LTBP1: variants seen among roughly 807,000 people sequenced by gnomAD.
LTBP1 encodes the protein latent transforming growth factor beta binding protein 1.
Under a neutral mutation model 207.6 loss-of-function variants are expected in LTBP1, and 129 were observed. The observed-to-expected ratio is 0.62, with a 90% CI of 0.54 to 0.72. The LOEUF (loss-of-function observed/expected upper bound fraction) is 0.72. LTBP1 is among the 30% of genes least tolerant of loss of function. The pLI, the probability that LTBP1 is intolerant of heterozygous loss-of-function variation, is 0.00. For synonymous variants in LTBP1, 963 were observed against 833.7 expected (o/e 1.16, Z -2.67); for missense variants, 2,281 against 2,217.2 (o/e 1.03, Z -0.58).
intron 2 of LTBP1, among the ~76,000 whole-genome samples, chr2:32,997,104 C>T (rs1406308403): frequency 1.3e-5 from 2 of 152,092 alleles, no homozygotes; most frequent in East Asian, 1.9e-4. Context: ...AGGCTGGTCT[C>T]GAATTCCTGA....
chr2:33,283,005 G>A (rs564854555), intron 19 of LTBP1, among the ~76,000 whole-genome samples: 90 of 146,586 alleles, frequency 6.1e-4, no homozygotes, highest in African/African-American at 1.7e-3. Context: ...GGAGGTTGCA[G>A]TGAGCCGAGA....
intron 19 of LTBP1, chr2:33,291,414 C>G (rs1470635666): frequency 6.6e-6 from 1 of 152,170 alleles, no homozygotes; most frequent in African/African-American, 2.4e-5. Context: ...TGAAACAAAA[C>G]CAGATACTAA....
intron 19 of LTBP1, among the ~76,000 whole-genome samples, chr2:33,290,387 G>A (rs2093751129): frequency 6.6e-6 from 1 of 152,160 alleles, no homozygotes. Flanking sequence ...TGGGGGCCAA[G>A]CCTTCTGCTA....
At chr2:33,017,936 GTCC>G (rs1366910253) in intron 2 of LTBP1, among the ~76,000 whole-genome samples, 2 of 152,128 alleles carry the variant, frequency 1.3e-5, no homozygotes, top group African/African-American at 4.8e-5. Context: ...TAGGGAATCT[GTCC>G]TCCTCCAGTT....
At chr2:33,256,236 A>G (rs186749422) in intron 11 of LTBP1, among the ~76,000 whole-genome samples, 3 of 152,088 alleles carry the variant, frequency 2.0e-5, no homozygotes, top group East Asian at 1.9e-4. Context: ...AAATAGCTGC[A>G]TCTTGATTTG....
chr2:33,296,859 C>T (rs928500866), intron 20 of LTBP1, among the ~76,000 whole-genome samples: 1 of 151,940 alleles, frequency 6.6e-6, no homozygotes, highest in African/African-American at 2.4e-5. Flanking sequence ...TAAAAGGGAG[C>T]AATAATGGTA....
intron 2 of LTBP1, among the ~76,000 whole-genome samples, chr2:32,970,808 T>G (rs1680739420): frequency 6.6e-6 from 1 of 152,120 alleles, no homozygotes; most frequent in African/African-American, 2.4e-5. Context: ...ATGTCATTGT[T>G]AGTTGATAAT....
intron 13 of LTBP1, among the ~76,000 whole-genome samples, chr2:33,262,338 G>A (rs1381778443): frequency 1.3e-5 from 2 of 152,174 alleles, no homozygotes; most frequent in African/African-American, 2.4e-5. Flanking sequence ...TCTTAGTGGG[G>A]CAGAGCCACA....
At chr2:33,234,658 T>G (rs1226972300) in intron 9 of LTBP1, among the ~76,000 whole-genome samples, 1 of 152,192 alleles carries the variant, frequency 6.6e-6, no homozygotes, top group African/African-American at 2.4e-5. Flanking sequence ...CAAAGTAATT[T>G]ATAGATTCAA....
At chr2:33,152,164 A>AT (rs1254985947) in intron 5 of LTBP1, among the ~76,000 whole-genome samples, 4 of 152,156 alleles carry the variant, frequency 2.6e-5, no homozygotes, top group African/African-American at 9.7e-5. Context: ...TTCACACTCT[A>AT]TACATCTGAC....
At chr2:33,196,447 G>T (rs545407976) in intron 7 of LTBP1, among the ~76,000 whole-genome samples, 28 of 152,216 alleles carry the variant, frequency 1.8e-4, no homozygotes, top group African/African-American at 6.7e-4. Context: ...TAATGGGAGT[G>T]TTGGGTGAGT....
At chr2:33,382,975 A>G (rs1226088609) in intron 31 of LTBP1, among the ~76,000 whole-genome samples, 2 of 152,160 alleles carry the variant, frequency 1.3e-5, no homozygotes, top group African/African-American at 4.8e-5. Flanking sequence ...TCTCTCTTCC[A>G]CCTTTCTTTA....
At chr2:33,309,160 A>G (rs1006757080) in intron 22 of LTBP1, among the ~76,000 whole-genome samples, 3 of 151,686 alleles carry the variant, frequency 2.0e-5, no homozygotes, top group Non-Finnish European at 4.4e-5. Context: ...GTGGGCGCCT[A>G]TAATCCCAAC....
chr2:33,322,623 G>T (rs1468978670), intron 24 of LTBP1, among the ~76,000 whole-genome samples: 1 of 152,346 alleles, frequency 6.6e-6, no homozygotes, highest in South Asian at 2.1e-4. Context: ...ACTATGCTAA[G>T]TGCATTGCAC....
chr2:33,389,918 A>G (rs946925687), intron 32 of LTBP1, among the ~76,000 whole-genome samples: 2 of 152,158 alleles, frequency 1.3e-5, no homozygotes, highest in Non-Finnish European at 2.9e-5. Context: ...GATTACAGGC[A>G]TGAGTCACCG....
chr2:33,116,400 C>T (rs1239073320), intron 4 of LTBP1, among the ~76,000 whole-genome samples: 9 of 152,108 alleles, frequency 5.9e-5, no homozygotes, highest in Admixed American at 5.9e-4. Flanking sequence ...ACGTTTTAGG[C>T]ATGGCAGATG....
At chr2:32,966,127 C>CT (rs957311100) in intron 2 of LTBP1, among the ~76,000 whole-genome samples, 3 of 151,996 alleles carry the variant, frequency 2.0e-5, no homozygotes, top group African/African-American at 4.8e-5. Flanking sequence ...GATACTTGAG[C>CT]TTTTTTTGGT....
chr2:33,308,670 T>C (rs2094135617), intron 22 of LTBP1, among the ~76,000 whole-genome samples: 1 of 152,234 alleles, frequency 6.6e-6, no homozygotes. Flanking sequence ...TTTGGACTTA[T>C]AAAACAATGT....
chr2:33,118,190 C>CAAAAA (rs1399685000), intron 4 of LTBP1, among the ~76,000 whole-genome samples: 1 of 81,422 alleles, frequency 1.2e-5, no homozygotes, highest in Non-Finnish European at 2.4e-5. Context: ...AACTTGTGTG[C>CAAAAA]AAAAAAAAAA....
Sources: gnomAD v4.1 joint callset for allele counts (sites outside exome capture counted in the v4.1 genomes callset) on GRCh38, gnomAD v4.1.1 for gene constraint, MANE v1.5 for transcripts, NCBI Gene and HGNC (gene_info 2026-07-23, HGNC 2026-07-21) for gene names.